NVL: variants seen among roughly 807,000 people sequenced by gnomAD.
NVL encodes the protein nuclear valosin-containing protein-like.
NVL carries 84 observed loss-of-function variants against 110.2 expected under a neutral mutation model. The ratio of observed to expected loss-of-function variants is 0.76; its 90% CI spans 0.64 to 0.91. The LOEUF is 0.91. Among genes scored for constraint, NVL ranks in the 40% least tolerant of loss-of-function variants. The probability of loss-of-function intolerance (pLI) is 0.00; values close to 1 mark genes in which losing one functional copy is unlikely to be tolerated. For synonymous variants in NVL, 354 were observed against 361.1 expected (o/e 0.98, Z 0.22); for missense variants, 882 against 1,035.9 (o/e 0.85, Z 2.04).
At chr1:224,274,782 T>C (rs1665584536) in intron 17 of NVL, among the ~76,000 whole-genome samples, 1 of 152,252 alleles carries the variant, frequency 6.6e-6, no homozygotes, top group African/African-American at 2.4e-5. Flanking sequence ...TGGTACTCCG[T>C]ACTGAAATCT....
chr1:224,289,770 G>C (rs769959258), intron 12 of NVL, 37 bp from the exon 13 acceptor site: 5 of 1,575,628 alleles, frequency 3.2e-6, no homozygotes, highest in Non-Finnish European at 4.3e-6. Flanking sequence ...TCTGATTCCT[G>C]ATCTAATAGT....
At position 224,303,665 on chromosome 1, in the gene NVL, C is replaced by T. The variant is rs1051384438; in HGVS notation, c.960+58G>A. 7.6e-6 allele frequency: 12 copies of T among 1,568,796 alleles called. No homozygotes were observed. The Middle Eastern group carries it at 8.5e-4, about 112-fold the overall frequency. ...GTTTAAGTTGACCAAAGAGAAAAAA[C>T]AAAAACAAATAATAACAACAAAAAC... On this transcript the variant is annotated intron_variant, in intron 9 of 22. Coordinates refer to ENST00000281701, the MANE Select transcript of NVL (RefSeq NM_002533.4).
chr1:224,308,875 C>A (rs1669219057), intron 5 of NVL, among the ~76,000 whole-genome samples: 1 of 151,840 alleles, frequency 6.6e-6, no homozygotes, highest in African/African-American at 2.4e-5. Context: ...TCCTGGCTAA[C>A]ACGGTGAAAC....
chr1:224,260,979 G>A (rs1410738398), intron 18 of NVL, among the ~76,000 whole-genome samples: 6 of 151,862 alleles, frequency 4.0e-5, no homozygotes, highest in Admixed American at 6.6e-5. Context: ...GAGTTCAAGC[G>A]ATTCTTCTGC....
chr1:224,268,951 G>C (rs150859479), intron 17 of NVL, among the ~76,000 whole-genome samples: 13 of 151,520 alleles, frequency 8.6e-5, no homozygotes, highest in African/African-American at 2.7e-4. Flanking sequence ...GAGCCACTGC[G>C]CCCGGCCCTA....
At chr1:224,299,087 G>A (rs542316155) in intron 10 of NVL, among the ~76,000 whole-genome samples, 132 of 152,256 alleles carry the variant, frequency 8.7e-4, no homozygotes, top group Non-Finnish European at 1.5e-3. Flanking sequence ...TGTCAGCGTC[G>A]CTTAAGGCAT....
intron 16 of NVL, among the ~76,000 whole-genome samples, chr1:224,275,891 C>T (rs145509371): frequency 2.6e-4 from 39 of 152,116 alleles, no homozygotes; most frequent in Admixed American, 1.6e-3. Context: ...TTACACAAGT[C>T]GTCTTACTAA....
intron 1 of NVL, among the ~76,000 whole-genome samples, chr1:224,329,801 T>C (rs948243850): frequency 2.0e-5 from 3 of 152,164 alleles, no homozygotes; most frequent in African/African-American, 7.2e-5. Context: ...CTCTACTGAA[T>C]GATCTGCGCT....
chr1:224,303,732 T>G lies in NVL; in HGVS notation c.951A>C (p.Ala317=). 6.2e-7 allele frequency: 1 copy of G among 1,611,910 alleles called. No individual in the cohort carries two copies. The highest frequency in any genetic ancestry group is 8.5e-7 in the Non-Finnish European group (1 of 1,178,892). ...PGCGKTLLAH[A]IAGELDLPIL... The stretch of plus-strand genomic sequence containing the variant: ...TGTCAGCAAGCCTCACCCCAGCAAT[T>G]GCATGTGCAAGTAATGTCTTCCCAC... Residue 317 remains alanine, a synonymous_variant, in exon 9 of 23, where the codon GCA becomes GCC. Coordinates refer to ENST00000281701, the MANE Select transcript of NVL (RefSeq NM_002533.4).
At chr1:224,236,468 C>A (rs1472327140) in intron 20 of NVL, 38 bp downstream of exon 20, 2 of 1,500,766 alleles carry the variant, frequency 1.3e-6, no homozygotes, top group Non-Finnish European at 1.9e-6. Context: ...GGAAATTGAA[C>A]CCCAGAGAGT....
intron 4 of NVL, among the ~76,000 whole-genome samples, chr1:224,315,621 A>C (rs1651325228): frequency 6.6e-6 from 1 of 152,224 alleles, no homozygotes; most frequent in African/African-American, 2.4e-5. Context: ...ATTCTCATAA[A>C]CTGCTAATGT....
intron 12 of NVL, among the ~76,000 whole-genome samples, chr1:224,292,995 T>C (rs1393353760): frequency 6.6e-6 from 1 of 151,972 alleles, no homozygotes; most frequent in African/African-American, 2.4e-5. Context: ...CCTCAAGTGA[T>C]GCACCCGCCT....
At chr1:224,253,354 T>A (rs1662736064) in intron 18 of NVL, among the ~76,000 whole-genome samples, 1 of 151,740 alleles carries the variant, frequency 6.6e-6, no homozygotes, top group Non-Finnish European at 1.5e-5. Context: ...CCAGGCTGTA[T>A]ATGCTTTCAT....
At chr1:224,293,356 A>G (rs1375682766) in intron 12 of NVL, among the ~76,000 whole-genome samples, 3 of 152,202 alleles carry the variant, frequency 2.0e-5, no homozygotes, top group Non-Finnish European at 2.9e-5. Context: ...GGCGTGAGCC[A>G]CCGTGCCTGG....
chr1:224,239,800 A>G (rs539628474), intron 19 of NVL, among the ~76,000 whole-genome samples: 6 of 152,322 alleles, frequency 3.9e-5, no homozygotes, highest in African/African-American at 1.4e-4. Flanking sequence ...TTATATTAAG[A>G]AAATGACAAG....
At chr1:224,308,877 C>T (rs1164304798) in intron 5 of NVL, among the ~76,000 whole-genome samples, 3 of 151,800 alleles carry the variant, frequency 2.0e-5, no homozygotes, top group Non-Finnish European at 2.9e-5. Context: ...CTGGCTAACA[C>T]GGTGAAACCC....
At chr1:224,259,657 T>G (rs1029436378) in intron 18 of NVL, among the ~76,000 whole-genome samples, 2 of 151,818 alleles carry the variant, frequency 1.3e-5, no homozygotes, top group African/African-American at 4.8e-5. Flanking sequence ...AATGATGTTT[T>G]TTGTTTGTTT....
At chr1:224,231,399 A>G (rs1252439193) in intron 21 of NVL, 103 bp from the exon 22 acceptor site, 2 of 827,544 alleles carry the variant, frequency 2.4e-6, no homozygotes, top group Non-Finnish European at 4.1e-6. Context: ...GGGGTCCACT[A>G]AAGAGATCAG....
intron 9 of NVL, among the ~76,000 whole-genome samples, chr1:224,301,144 TTAA>T (rs1668366919): frequency 6.6e-6 from 1 of 152,104 alleles, no homozygotes; most frequent in Non-Finnish European, 1.5e-5. Flanking sequence ...GCAAACACAT[TTAA>T]GTGGATACCT....
Sources: allele counts gnomAD v4.1 joint callset (sites outside exome capture counted in the v4.1 genomes callset), GRCh38; gene constraint gnomAD v4.1.1; transcripts MANE v1.5; gene names NCBI Gene and HGNC (gene_info 2026-07-23, HGNC 2026-07-21).